The following DGKI variants were observed in gnomAD, a reference collection of about 807,000 sequenced individuals.
DGKI encodes the protein diacylglycerol kinase iota.
A neutral mutation model predicts 147.5 loss-of-function variants in DGKI; 55 were observed. That is an observed-to-expected ratio of 0.37 (90% confidence interval 0.30 to 0.47). The LOEUF is 0.47. Among genes scored for constraint, DGKI ranks in the 20% least tolerant of loss-of-function variants. The pLI is 1.00. For missense variants in DGKI, 1,007 were observed against 1,323.8 expected, an observed-to-expected ratio of 0.76 and a Z score of 3.71; for synonymous variants, 469 against 477.1, an observed-to-expected ratio of 0.98 and a Z score of 0.22.
chr7:137,516,260 G>A (rs1288093357), intron 21 of DGKI, among the ~76,000 whole-genome samples: 1 of 152,068 alleles, frequency 6.6e-6, no homozygotes, highest in Admixed American at 6.6e-5. Context: ...AAGGAAATAT[G>A]CTGATGAAAA....
Position 137,577,234 on chromosome 7 carries a change from A to G in DGKI, c.1749T>C (p.His583=). 6.3e-7 allele frequency: 1 copy of G among 1,596,278 alleles called. No homozygotes were observed. The highest frequency in any genetic ancestry group is 1.7e-4 in the Middle Eastern group (1 of 5,990). ...LQRSSRDLSK[H]VKVVCDGTDL... ...ATTCAATACTTACAACAACTTTAAC[A>G]TGTTTGGATAGATCTCTAGAACTTC... The change falls in exon 17 of 33, where the codon CAT becomes CAC. Residue 583 remains histidine (H), a synonymous_variant. Transcript: ENST00000614521.
At chr7:137,460,953 A>C (rs2128924382) in intron 27 of DGKI, among the ~76,000 whole-genome samples, 1 of 152,346 alleles carries the variant, frequency 6.6e-6, no homozygotes, top group Middle Eastern at 3.4e-3. Context: ...ACTGAAGTTT[A>C]CCACCATTAT....
rs570409766 is a variant in DGKI, at chr7:137,804,193, T to G, written c.401+42269A>C. Among the ~76,000 whole-genome samples, 4 of 152,330 alleles carry G rather than the reference T, an allele frequency of 2.6e-5. No homozygotes were observed. The South Asian group carries it at 8.3e-4, about 32-fold the overall frequency. On this transcript the variant is annotated intron_variant, in intron 1 of 32. Coordinates refer to ENST00000614521, the MANE Select transcript of DGKI (RefSeq NM_001321708.2). ...ATAGGAAGCAGTGTGGCATTGACTT[T>G]GGACTTCCATCTCTTCCCCCTCTCT...
chr7:137,441,376 G>A (rs933716825), intron 28 of DGKI, among the ~76,000 whole-genome samples: 34 of 143,258 alleles, frequency 2.4e-4, no homozygotes, highest in Admixed American at 3.7e-4. Flanking sequence ...AGCCGAGATC[G>A]TGCCACTGCA....
intron 1 of DGKI, among the ~76,000 whole-genome samples, chr7:137,721,545 G>A (rs1228632867): frequency 1.3e-5 from 2 of 151,976 alleles, no homozygotes; most frequent in Non-Finnish European, 2.9e-5. Flanking sequence ...TTGGACTATT[G>A]TGAGACCTTC....
chr7:137,673,083 G>T (rs935689918), intron 3 of DGKI, among the ~76,000 whole-genome samples: 2 of 150,598 alleles, frequency 1.3e-5, no homozygotes, highest in African/African-American at 5.0e-5. Context: ...CGCCCAGCGT[G>T]TGTCTTCTCT....
chr7:137,496,517 A>T (rs375789888), intron 21 of DGKI, among the ~76,000 whole-genome samples: 25 of 152,046 alleles, frequency 1.6e-4, no homozygotes, highest in East Asian at 7.7e-4. Context: ...ATAATAATAA[A>T]AAAAAAGCTG....
intron 1 of DGKI, among the ~76,000 whole-genome samples, chr7:137,767,962 A>C (rs2116836389): frequency 6.6e-6 from 1 of 152,316 alleles, no homozygotes; most frequent in South Asian, 2.1e-4. Context: ...GATCACCTGA[A>C]GCCAGGACTC....
At chr7:137,683,617 T>C (rs1823315597) in intron 2 of DGKI, among the ~76,000 whole-genome samples, 1 of 152,192 alleles carries the variant, frequency 6.6e-6, no homozygotes. Flanking sequence ...TGTCCCTACC[T>C]GGAAACATCT....
chr7:137,786,833 C>T (rs1311004948), intron 1 of DGKI, among the ~76,000 whole-genome samples: 1 of 152,020 alleles, frequency 6.6e-6, no homozygotes, highest in Non-Finnish European at 1.5e-5. Context: ...TACTTACAGC[C>T]AACTGATCTT....
chr7:137,610,379 A>G (rs1024376396), intron 8 of DGKI, among the ~76,000 whole-genome samples: 8 of 152,182 alleles, frequency 5.3e-5, no homozygotes, highest in African/African-American at 1.9e-4. Context: ...CTCTTTCTAG[A>G]AACTTTATAG....
chr7:137,820,297 G>A (rs1470627489), intron 1 of DGKI, among the ~76,000 whole-genome samples: 2 of 152,164 alleles, frequency 1.3e-5, no homozygotes, highest in East Asian at 3.8e-4. Flanking sequence ...GACAGACCAG[G>A]AGACAAAAAG....
chr7:137,623,434 A>T, intron 7 of DGKI, 49 bp downstream of exon 7: 3 of 1,544,920 alleles, frequency 1.9e-6, no homozygotes, highest in East Asian at 2.3e-5. Context: ...ACACAAGTGT[A>T]TTTCGACAAA....
At chr7:137,498,503 A>C (rs1428921888) in intron 21 of DGKI, among the ~76,000 whole-genome samples, 1 of 152,142 alleles carries the variant, frequency 6.6e-6, no homozygotes, top group South Asian at 2.1e-4. Flanking sequence ...ATTGAAGAGT[A>C]CTGGGGACAA....
intron 32 of DGKI, among the ~76,000 whole-genome samples, chr7:137,393,205 T>A (rs937117459): frequency 7.2e-6 from 1 of 138,154 alleles, no homozygotes; most frequent in Non-Finnish European, 1.6e-5. Flanking sequence ...GGTTTATAAT[T>A]ATAAAAACAA....
chr7:137,589,155 G>T (rs1175218823), intron 12 of DGKI, among the ~76,000 whole-genome samples: 1 of 152,158 alleles, frequency 6.6e-6, no homozygotes, highest in Non-Finnish European at 1.5e-5. Flanking sequence ...CAGTGAACTT[G>T]CAGATTGATA....
At chr7:137,793,560 C>A (rs1796933855) in intron 1 of DGKI, among the ~76,000 whole-genome samples, 1 of 152,138 alleles carries the variant, frequency 6.6e-6, no homozygotes, top group African/African-American at 2.4e-5. Flanking sequence ...CTTGGCCTCA[C>A]CTGGCCAAGG....
At chr7:137,532,251 G>T (rs1817366520) in intron 20 of DGKI, among the ~76,000 whole-genome samples, 1 of 152,058 alleles carries the variant, frequency 6.6e-6, no homozygotes, top group Non-Finnish European at 1.5e-5. Flanking sequence ...TAGTAGATCT[G>T]CATTTCTAGG....
chr7:137,650,488 A>T (rs528527150), intron 5 of DGKI, among the ~76,000 whole-genome samples: 16 of 152,306 alleles, frequency 1.1e-4, no homozygotes, highest in African/African-American at 3.4e-4. Context: ...GTCCCCTCAA[A>T]ATTTTTATGT....
Sources: gnomAD v4.1 joint callset for allele counts (sites outside exome capture counted in the v4.1 genomes callset) on GRCh38, gnomAD v4.1.1 for gene constraint, MANE v1.5 for transcripts, NCBI Gene and HGNC (gene_info 2026-07-23, HGNC 2026-07-21) for gene names.